Variants in PDE4B observed in about 807,000 individuals in gnomAD.
The protein encoded by PDE4B is phosphodiesterase 4B.
In PDE4B, 20 loss-of-function variants were observed where a neutral mutation model predicts 82.2. The observed-to-expected ratio is 0.24, with a 90% CI of 0.17 to 0.35. The LOEUF (loss-of-function observed/expected upper bound fraction) is 0.35. PDE4B is among the 10% of genes least tolerant of loss of function. PDE4B has a pLI of 1.00. For missense variants in PDE4B, 655 were observed against 907.2 expected (o/e 0.72, Z 3.57); for synonymous variants, 320 against 318.9 (o/e 1.00, Z -0.04).
At chr1:66,190,839 G>T (rs535378225) in intron 3 of PDE4B, among the ~76,000 whole-genome samples, 1 of 151,960 alleles carries the variant, frequency 6.6e-6, no homozygotes, top group African/African-American at 2.4e-5. Context: ...TGCTGCACGT[G>T]CTGTCCTGTA....
intron 3 of PDE4B, among the ~76,000 whole-genome samples, chr1:65,985,901 A>G (rs555376216): frequency 6.6e-6 from 1 of 152,306 alleles, no homozygotes; most frequent in African/African-American, 2.4e-5. Context: ...AAATTGCAAC[A>G]CACTGGTATT....
At chr1:65,919,926 C>G (rs140466594) in intron 3 of PDE4B, among the ~76,000 whole-genome samples, 10 of 152,248 alleles carry the variant, frequency 6.6e-5, no homozygotes, top group African/African-American at 2.4e-4. Flanking sequence ...ATCAGACAAT[C>G]TGTGTGATAG....
chr1:65,841,220 C>G (rs1646202808), intron 1 of PDE4B, among the ~76,000 whole-genome samples: 1 of 151,982 alleles, frequency 6.6e-6, no homozygotes, highest in African/African-American at 2.4e-5. Context: ...CTTGCTTTAA[C>G]CCAGGAGGCA....
At chr1:65,902,602 C>T (rs1163604163) in intron 1 of PDE4B, among the ~76,000 whole-genome samples, 1 of 152,064 alleles carries the variant, frequency 6.6e-6, no homozygotes, top group Non-Finnish European at 1.5e-5. Context: ...ATCAGTTGTG[C>T]ATTACGATTG....
intron 6 of PDE4B, among the ~76,000 whole-genome samples, chr1:66,259,622 T>C (rs1057370926): frequency 2.6e-5 from 4 of 152,134 alleles, no homozygotes; most frequent in Non-Finnish European, 5.9e-5. Context: ...CTGAAAACCT[T>C]ATCACTATCT....
At chr1:66,369,675 T>C (rs1461257427) in intron 16 of PDE4B, among the ~76,000 whole-genome samples, 1 of 152,224 alleles carries the variant, frequency 6.6e-6, no homozygotes, top group African/African-American at 2.4e-5. Context: ...GAGAATGAGT[T>C]CATAGACTGT....
intron 1 of PDE4B, among the ~76,000 whole-genome samples, chr1:65,825,633 C>T (rs887198467): frequency 6.6e-6 from 1 of 151,912 alleles, no homozygotes; most frequent in African/African-American, 2.4e-5. Flanking sequence ...TTCGCTTGAG[C>T]TCTGAAGTTC....
intron 3 of PDE4B, among the ~76,000 whole-genome samples, chr1:66,098,680 T>C (rs1645162475): frequency 6.6e-6 from 1 of 152,140 alleles, no homozygotes; most frequent in South Asian, 2.1e-4. Context: ...CACTTTAACA[T>C]TCAAGAAAGA....
At chr1:66,158,309 A>C (rs1646541489) in intron 3 of PDE4B, among the ~76,000 whole-genome samples, 3 of 152,210 alleles carry the variant, frequency 2.0e-5, no homozygotes. Flanking sequence ...CAAACTGTGC[A>C]CCTGACAAGG....
At chr1:66,084,255 A>G (rs1407508374) in intron 3 of PDE4B, among the ~76,000 whole-genome samples, 1 of 152,108 alleles carries the variant, frequency 6.6e-6, no homozygotes, top group South Asian at 2.1e-4. Context: ...CCTGTTTCCT[A>G]TCAGTCAAAG....
chr1:66,026,198 A>G (rs1184968123), intron 3 of PDE4B, among the ~76,000 whole-genome samples: 2 of 152,214 alleles, frequency 1.3e-5, no homozygotes. Flanking sequence ...CAAGAGGTTC[A>G]CATCCTATTA....
chr1:65,939,843 C>T (rs546722887), intron 3 of PDE4B, among the ~76,000 whole-genome samples: 1 of 152,188 alleles, frequency 6.6e-6, no homozygotes, highest in South Asian at 2.1e-4. Context: ...CGTGGGAGTG[C>T]CAGCCAGTGT....
intron 1 of PDE4B, among the ~76,000 whole-genome samples, chr1:65,877,476 G>A (rs776859721): frequency 5.3e-5 from 8 of 151,970 alleles, no homozygotes; most frequent in East Asian, 3.9e-4. Context: ...TTAGCTGGGC[G>A]TGGTGGCAGG....
intron 1 of PDE4B, among the ~76,000 whole-genome samples, chr1:65,862,623 G>A (rs758327314): frequency 2.0e-5 from 3 of 152,132 alleles, no homozygotes; most frequent in Admixed American, 6.6e-5. Context: ...CAGAAGGAAT[G>A]GTACTAGCTC....
chr1:66,224,507 T>C (rs892433177), intron 3 of PDE4B, among the ~76,000 whole-genome samples: 7 of 152,070 alleles, frequency 4.6e-5, no homozygotes, highest in Non-Finnish European at 1.0e-4. Flanking sequence ...TCATCTGAGG[T>C]CAGGAGTTCA....
At chr1:66,011,254 T>A (rs1652472357) in intron 3 of PDE4B, among the ~76,000 whole-genome samples, 1 of 151,434 alleles carries the variant, frequency 6.6e-6, no homozygotes, top group African/African-American at 2.4e-5. Context: ...TGGTGAGTTC[T>A]TTAGCTCTAT....
chr1:65,823,206 G>A (rs1006501192), intron 1 of PDE4B, among the ~76,000 whole-genome samples: 69 of 151,894 alleles, frequency 4.5e-4, no homozygotes, highest in Middle Eastern at 6.8e-3. Flanking sequence ...GACCAGCCTG[G>A]CCAACATGGT....
At chr1:66,114,757 T>C (rs1289437083) in intron 3 of PDE4B, among the ~76,000 whole-genome samples, 1 of 149,602 alleles carries the variant, frequency 6.7e-6, no homozygotes, top group Non-Finnish European at 1.5e-5. Flanking sequence ...TGCCTCAGCC[T>C]CCCGGGTAGC....
intron 3 of PDE4B, among the ~76,000 whole-genome samples, chr1:66,115,153 A>G (rs988222757): frequency 7.9e-5 from 12 of 152,202 alleles, no homozygotes; most frequent in Non-Finnish European, 1.3e-4. Flanking sequence ...AAAATGGATG[A>G]TGCAATTCAT....
Sources: allele counts gnomAD v4.1 joint callset (sites outside exome capture counted in the v4.1 genomes callset), GRCh38; gene constraint gnomAD v4.1.1; transcripts MANE v1.5; gene names NCBI Gene and HGNC (gene_info 2026-07-23, HGNC 2026-07-21).